Variants in EXD3 observed in about 807,000 individuals in gnomAD.
EXD3 encodes the protein exonuclease mut-7 homolog.
EXD3 carries 92 observed loss-of-function variants against 98.0 expected under a neutral mutation model. The observed-to-expected ratio is 0.94, with a 90% CI of 0.79 to 1.12. The LOEUF (loss-of-function observed/expected upper bound fraction) is 1.12. Ranked by LOEUF, EXD3 falls within the 50% of genes most tolerant of loss-of-function variation. EXD3 has a pLI of 0.00. For synonymous variants in EXD3, 569 were observed against 526.0 expected, an observed-to-expected ratio of 1.08 and a Z score of -1.12; for missense variants, 1,222 against 1,191.6, an observed-to-expected ratio of 1.03 and a Z score of -0.38.
At chr9:137,377,940 C>T (rs1224305452) in intron 3 of EXD3, among the ~76,000 whole-genome samples, 5 of 150,904 alleles carry the variant, frequency 3.3e-5, no homozygotes, top group Non-Finnish European at 7.4e-5. Context: ...ATTACAGGTG[C>T]AGGCCACCAC....
intron 1 of EXD3, among the ~76,000 whole-genome samples, chr9:137,420,380 T>C (rs1838457229): frequency 6.6e-6 from 1 of 152,232 alleles, no homozygotes; most frequent in Non-Finnish European, 1.5e-5. Flanking sequence ...TCTTTTTCTC[T>C]ACCTGATTTC....
In EXD3 at chr9:137,324,185, G is replaced by A. The variant is rs1200217302; in HGVS notation, c.1999-42C>T. 29 of 1,529,572 alleles carry A rather than the reference G, an allele frequency of 1.9e-5. No homozygotes were observed. Among genetic ancestry groups the A allele is most frequent in the South Asian group, 3.6e-5 (3 of 83,614 alleles). The allele number at this position is 1,529,572 out of a possible 1,614,324, so 94.8% of individuals were successfully genotyped here. A position where few individuals can be genotyped will look rare whatever the true frequency, so the allele number is the denominator to read the frequency against. On this transcript the variant is annotated intron_variant, in intron 17 of 21. Transcript: ENST00000340951. The surrounding 1 kb of genome is among the most constrained non-coding windows in gnomAD (Gnocchi z 4.1). ...ACCAGCACATAAAGGGGGCAGCTCC[G>A]TGCTCCTGGACTGGGCCACCTCTGC...
chr9:137,396,350 A>G (rs1048498311), intron 1 of EXD3, among the ~76,000 whole-genome samples: 2 of 152,316 alleles, frequency 1.3e-5, no homozygotes, highest in Admixed American at 6.5e-5. Flanking sequence ...GCAAGGCTGC[A>G]TAAAAAGGCT....
chr9:137,328,630 GACTACAC>G, intron 17 of EXD3, among the ~76,000 whole-genome samples: 1 of 96,224 alleles, frequency 1.0e-5, no homozygotes, highest in Non-Finnish European at 2.0e-5. Context: ...GACTACACGG[GACTACAC>G]GGGGCTACAC....
At chr9:137,386,073 G>A (rs921481071) in intron 2 of EXD3, among the ~76,000 whole-genome samples, 1 of 151,960 alleles carries the variant, frequency 6.6e-6, no homozygotes, top group Non-Finnish European at 1.5e-5. Flanking sequence ...AGGTGGGTGG[G>A]TCGCTTGAGC....
Position 137,309,709 on chromosome 9 carries a change from C to T in EXD3, c.2185-9G>A, listed in dbSNP as rs1198740949. 3 of 1,550,600 alleles carry T rather than the reference C, an allele frequency of 1.9e-6. No individual in the cohort carries two copies. In the South Asian group the frequency reaches 3.6e-5, roughly 18 times the overall value. On this transcript the variant is annotated splice_polypyrimidine_tract_variant and intron_variant, in intron 19 of 21. Transcript: ENST00000340951. ...TGGTCACAGTTACAGGCCTGGGGGC[C>T]AGAGGGGGTGCTGAGGCCCAGGCGG... is the stretch of plus-strand genomic sequence containing the variant.
At position 137,344,187 on chromosome 9, in the gene EXD3, G is replaced by A. The variant is rs1251298699; in HGVS notation, c.1998+3884C>T. ...ATTACAGGTGTGAGCCACTGCGCCC[G>A]GCCTGTATCCTCTTTACTACTGGAA... is the stretch of plus-strand genomic sequence containing the variant. On this transcript the variant is annotated intron_variant, in intron 17 of 21. Transcript: ENST00000340951. 5.3e-5 allele frequency among the ~76,000 whole-genome samples: 8 copies of A among 152,106 alleles called. No homozygotes were observed. The East Asian group carries it at 1.4e-3, about 26-fold the overall frequency.
chr9:137,353,604 C>G, intron 10 of EXD3: 2 of 985,976 alleles, frequency 2.0e-6, no homozygotes, highest in Non-Finnish European at 1.2e-6. Context: ...CACCCCGCAG[C>G]CACCGTGGCA....
At chr9:137,341,674 G>A (rs377489896) in intron 17 of EXD3, among the ~76,000 whole-genome samples, 3 of 60,782 alleles carry the variant, frequency 4.9e-5, no homozygotes, top group Non-Finnish European at 3.4e-5. Context: ...CAGAGGAAAC[G>A]GGGCTCAGGC....
Position 137,349,093 on chromosome 9 carries a change from T to C in EXD3, c.1830+17A>G, listed in dbSNP as rs766191144. 6.3e-7 allele frequency: 1 copy of C among 1,584,300 alleles called. No individual in the cohort carries two copies. Among genetic ancestry groups the C allele is most frequent in the South Asian group, 1.1e-5 (1 of 88,700 alleles). ...CCCAAGAATGCTGACAAACGGACCC[T>C]GCGGGGCTTCACCCACCTGCCTGGG... is the stretch of plus-strand genomic sequence containing the variant. On this transcript the variant is annotated intron_variant, in intron 16 of 21. Transcript: ENST00000340951. This position sits in a 1 kb window ranked among gnomAD's most constrained non-coding sequence, Gnocchi z 7.4.
intron 1 of EXD3, among the ~76,000 whole-genome samples, chr9:137,420,697 G>C (rs931473084): frequency 2.0e-5 from 3 of 149,594 alleles, no homozygotes; most frequent in Non-Finnish European, 4.4e-5. Flanking sequence ...GACAGATCCA[G>C]GAACTTCAAG....
chr9:137,309,755 AC>A, intron 19 of EXD3, 55 bp from the exon 20 acceptor site: 1 of 1,353,906 alleles, frequency 7.4e-7, no homozygotes, highest in Non-Finnish European at 1.0e-6. Context: ...GGTGCCCCAT[AC>A]CCCAGCCCTC....
chr9:137,321,732 G>T (rs1013001817), intron 19 of EXD3, among the ~76,000 whole-genome samples: 1 of 152,104 alleles, frequency 6.6e-6, no homozygotes, highest in African/African-American at 2.4e-5. Context: ...GAGCAGCCCC[G>T]ACCTGCTGCT....
At chr9:137,364,616 T>TA (rs201861821) in intron 7 of EXD3, among the ~76,000 whole-genome samples, 18,120 of 147,552 alleles carry the variant, frequency 0.12, 1,244 homozygotes, top group African/African-American at 0.14. Context: ...AGGCTTCATC[T>TA]AAAAAAAAAA....
At chr9:137,332,098 C>G (rs1005667681) in intron 17 of EXD3, among the ~76,000 whole-genome samples, 1 of 152,066 alleles carries the variant, frequency 6.6e-6, no homozygotes, top group Non-Finnish European at 1.5e-5. Flanking sequence ...ATGACGCAAA[C>G]AAATGGAAAT....
At chr9:137,396,813 G>A (rs921555955) in intron 1 of EXD3, among the ~76,000 whole-genome samples, 2 of 152,226 alleles carry the variant, frequency 1.3e-5, no homozygotes, top group Non-Finnish European at 2.9e-5. Flanking sequence ...CTCTCCCACT[G>A]CAAACGACGT....
chr9:137,366,247 TTTCGTTC>T (rs1259805859), intron 7 of EXD3: 1 of 705,782 alleles, frequency 1.4e-6, no homozygotes, highest in African/African-American at 1.7e-5. Context: ...GGAGAATTAT[TTTCGTTC>T]TTCTAAGAGC....
intron 20 of EXD3, among the ~76,000 whole-genome samples, chr9:137,308,804 T>C (rs771852931): frequency 2.0e-5 from 3 of 151,886 alleles, no homozygotes; most frequent in South Asian, 2.1e-4. Flanking sequence ...ACCCGGCTAA[T>C]TTTTTGTATT....
At chr9:137,345,446 G>A (rs546756632) in intron 17 of EXD3, among the ~76,000 whole-genome samples, 1 of 152,258 alleles carries the variant, frequency 6.6e-6, no homozygotes, top group East Asian at 1.9e-4. Context: ...CAGATCACCT[G>A]AGGTCAGGAA....
Sources: allele counts gnomAD v4.1 joint callset (sites outside exome capture counted in the v4.1 genomes callset), GRCh38; gene constraint gnomAD v4.1.1; non-coding constraint Gnocchi (gnomAD v3.1); transcripts MANE v1.5; gene names NCBI Gene and HGNC (gene_info 2026-07-23, HGNC 2026-07-21).